The following THSD7A variants were observed in gnomAD, a reference collection of about 807,000 sequenced individuals.
The protein encoded by THSD7A is thrombospondin type-1 domain-containing protein 7A.
Under a neutral mutation model 231.3 loss-of-function variants are expected in THSD7A, and 96 were observed. That is an observed-to-expected ratio of 0.41 (90% confidence interval 0.35 to 0.49). THSD7A has a LOEUF of 0.49. Ranked by LOEUF, THSD7A falls within the 20% of genes least tolerant of loss-of-function variation. The pLI is 0.05. For missense variants in THSD7A, 2,290 were observed against 2,070.2 expected (o/e 1.11, Z -2.06); for synonymous variants, 940 against 743.3 (o/e 1.26, Z -4.30).
chr7:11,746,098 G>A (rs1184377397), intron 1 of THSD7A, among the ~76,000 whole-genome samples: 2 of 151,760 alleles, frequency 1.3e-5, no homozygotes, highest in Non-Finnish European at 2.9e-5. Context: ...TCTTCCATTT[G>A]TTTGGATACC....
rs182298986 is a variant in THSD7A at position 11,386,367 on chromosome 7, C to T, written c.4412-3751G>A. Among the ~76,000 whole-genome samples the T allele has an allele frequency of 4.6e-3, 704 of 152,308 alleles. 9 individuals carry two copies. Among genetic ancestry groups the T allele is most frequent in the African/African-American group, 0.016 (654 of 41,574 alleles). On this transcript the variant is annotated intron_variant, in intron 23 of 27. Transcript: ENST00000423059. ...AAGCGTTCCTGTTTCTCCATATCCT[C>T]TCTAGCATCCATTGTATCCTGACTT...
intron 1 of THSD7A, among the ~76,000 whole-genome samples, chr7:11,757,922 G>GTAA (rs1274390348): frequency 1.2e-4 from 18 of 149,970 alleles, no homozygotes; most frequent in Middle Eastern, 3.5e-3. Flanking sequence ...GGCCAATTTA[G>GTAA]TAATAATAAT....
chr7:11,571,807 T>G (rs930205694), intron 4 of THSD7A, among the ~76,000 whole-genome samples: 3 of 152,346 alleles, frequency 2.0e-5, no homozygotes, highest in East Asian at 1.9e-4. Context: ...TTGTATCTTT[T>G]TTTTTTCCTC....
intron 1 of THSD7A, among the ~76,000 whole-genome samples, chr7:11,804,179 T>C (rs939356853): frequency 1.3e-5 from 2 of 152,156 alleles, no homozygotes; most frequent in Admixed American, 1.3e-4. Flanking sequence ...TTTTTTGTCA[T>C]TATCACTCAT....
chr7:11,653,854 T>A (rs1378912521), intron 1 of THSD7A, among the ~76,000 whole-genome samples: 2 of 152,018 alleles, frequency 1.3e-5, no homozygotes, highest in Non-Finnish European at 2.9e-5. Flanking sequence ...CCTTACTGTT[T>A]GCTTCTCATA....
At chr7:11,762,903 C>G (rs1782912095) in intron 1 of THSD7A, among the ~76,000 whole-genome samples, 1 of 152,064 alleles carries the variant, frequency 6.6e-6, no homozygotes, top group Non-Finnish European at 1.5e-5. Flanking sequence ...AGATTCAACA[C>G]AGTTACTTTC....
chr7:11,557,637 T>C (rs1425688320), intron 4 of THSD7A, among the ~76,000 whole-genome samples: 2 of 152,106 alleles, frequency 1.3e-5, no homozygotes, highest in South Asian at 2.1e-4. Flanking sequence ...AAAGGGTGTA[T>C]GTATGCCACA....
Position 11,417,602 on chromosome 7 carries a change from AT to A in THSD7A, c.3384del (p.Arg1128SerfsTer14). ...CGEGVQTRKVRCMQNTADGPS... is the reference protein window; with the variant it reads ...CGEGVQTRKVXCMQNTADGPS... ...GGGCCATCTGCTGTATTCTGCATGC[AT>A]CTAGAAAAGAACATAAACATATTCT... On this transcript the variant is annotated frameshift_variant and splice_region_variant, in exon 17 of 28. Transcript: ENST00000423059. LOFTEE classifies it high-confidence loss of function. 1 of 1,596,224 alleles carries A rather than the reference AT, an allele frequency of 6.3e-7. No individual in the cohort carries two copies. Among genetic ancestry groups the A allele is most frequent in the South Asian group, 1.1e-5 (1 of 87,470 alleles).
At chr7:11,733,785 C>A (rs1049110619) in intron 1 of THSD7A, among the ~76,000 whole-genome samples, 1 of 151,908 alleles carries the variant, frequency 6.6e-6, no homozygotes, top group Non-Finnish European at 1.5e-5. Context: ...AGTGTGGTTT[C>A]TTCTCATAGT....
intron 6 of THSD7A, among the ~76,000 whole-genome samples, chr7:11,505,459 T>TC (rs1787506858): frequency 6.6e-6 from 1 of 151,912 alleles, no homozygotes; most frequent in African/African-American, 2.4e-5. Context: ...TTTTTTTTTT[T>TC]TAATTTAAAA....
At chr7:11,419,391 TTC>T (rs997560818) in intron 16 of THSD7A, among the ~76,000 whole-genome samples, 1 of 152,132 alleles carries the variant, frequency 6.6e-6, no homozygotes, top group Middle Eastern at 3.2e-3. Flanking sequence ...CCTTTGCTTT[TTC>T]TCTCTCTTGC....
chr7:11,708,344 G>A (rs905322769), intron 1 of THSD7A, among the ~76,000 whole-genome samples: 2 of 150,518 alleles, frequency 1.3e-5, no homozygotes, highest in Non-Finnish European at 3.0e-5. Context: ...CTTTTCAAAG[G>A]TTTGAGAAAG....
chr7:11,607,142 A>G (rs1487350815), intron 2 of THSD7A, among the ~76,000 whole-genome samples: 1 of 152,168 alleles, frequency 6.6e-6, no homozygotes, highest in African/African-American at 2.4e-5. Context: ...TCATGTAAAA[A>G]GATTATATTT....
rs570234842 is a variant in THSD7A, at chr7:11,433,499, A to G, written c.3065-4374T>C. 8.2e-4 allele frequency among the ~76,000 whole-genome samples: 125 copies of G among 152,218 alleles called. 4 individuals carry two copies. In the South Asian group the frequency reaches 0.025, roughly 31 times the overall value. On this transcript the variant is annotated intron_variant, in intron 13 of 27. Coordinates refer to ENST00000423059, the MANE Select transcript of THSD7A (RefSeq NM_015204.3). ...CATTTAATAATATTTGTAAGACTAC[A>G]ATGAATTAAGAACCATCCAAATCAT...
At chr7:11,660,555 C>G (rs1329706056) in intron 1 of THSD7A, among the ~76,000 whole-genome samples, 3 of 151,180 alleles carry the variant, frequency 2.0e-5, no homozygotes, top group Non-Finnish European at 4.4e-5. Context: ...TACAGAAACA[C>G]ATACAAATGT....
chr7:11,431,815 T>C (rs1562604489), intron 13 of THSD7A, among the ~76,000 whole-genome samples: 1 of 152,126 alleles, frequency 6.6e-6, no homozygotes, highest in Non-Finnish European at 1.5e-5. Flanking sequence ...ATGGAATTCA[T>C]TTCCATTTAT....
At chr7:11,432,973 C>T (rs536936418) in intron 13 of THSD7A, among the ~76,000 whole-genome samples, 1 of 151,870 alleles carries the variant, frequency 6.6e-6, no homozygotes, top group African/African-American at 2.4e-5. Flanking sequence ...GGGCATTAGT[C>T]CCAGATAATC....
intron 23 of THSD7A, among the ~76,000 whole-genome samples, chr7:11,385,983 T>C (rs904675995): frequency 6.6e-6 from 1 of 152,210 alleles, no homozygotes; most frequent in African/African-American, 2.4e-5. Flanking sequence ...TTTCTGTTCT[T>C]GTGACAGTTT....
chr7:11,488,343 CA>C (rs1315495006), intron 6 of THSD7A, among the ~76,000 whole-genome samples: 1 of 152,024 alleles, frequency 6.6e-6, no homozygotes, highest in East Asian at 1.9e-4. Flanking sequence ...AATGGAGTCT[CA>C]TATTTGCATG....
Sources: gnomAD v4.1 joint callset for allele counts (sites outside exome capture counted in the v4.1 genomes callset) on GRCh38, gnomAD v4.1.1 for gene constraint, MANE v1.5 for transcripts, NCBI Gene and HGNC (gene_info 2026-07-23, HGNC 2026-07-21) for gene names.